The following ASB4 variants were observed in gnomAD, a reference collection of about 807,000 sequenced individuals.
ASB4 encodes the protein ankyrin repeat and SOCS box protein 4.
A neutral mutation model predicts 38.6 loss-of-function variants in ASB4; 35 were observed. That is an observed-to-expected ratio of 0.91 (90% CI 0.69 to 1.20). The LOEUF is 1.20. ASB4 is among the 50% of genes most tolerant of loss of function. ASB4 has a pLI of 0.00. For synonymous variants in ASB4, 195 were observed against 201.3 expected (o/e 0.97, Z 0.26); for missense variants, 557 against 527.2 (o/e 1.06, Z -0.55).
intron 2 of ASB4, among the ~76,000 whole-genome samples, chr7:95,511,079 GC>G (rs1452792160): frequency 6.6e-6 from 1 of 152,046 alleles, no homozygotes; most frequent in African/African-American, 2.4e-5. Flanking sequence ...TTTCCATTAA[GC>G]TAACCAAGAA....
At chr7:95,495,386 A>G (rs1694446992) in intron 1 of ASB4, among the ~76,000 whole-genome samples, 1 of 152,194 alleles carries the variant, frequency 6.6e-6, no homozygotes, top group African/African-American at 2.4e-5. Flanking sequence ...TTTTTAAAAA[A>G]ATATCCTTGA....
At chr7:95,505,139 T>C (rs918264549) in intron 2 of ASB4, among the ~76,000 whole-genome samples, 3 of 152,114 alleles carry the variant, frequency 2.0e-5, no homozygotes, top group Non-Finnish European at 4.4e-5. Flanking sequence ...AAATACATAA[T>C]GTACGATGAT....
At chr7:95,551,145 T>G in the ASB4 span, among the ~76,000 whole-genome samples, 18 of 152,084 alleles carry the variant, frequency 1.2e-4, no homozygotes, top group African/African-American at 4.3e-4. Context: ...CATGCCAGGC[T>G]CATTTTTGAA....
upstream of ASB4, among the ~76,000 whole-genome samples, chr7:95,473,514 A>G (rs1789944651): frequency 6.6e-6 from 1 of 152,152 alleles, no homozygotes; most frequent in East Asian, 1.9e-4. Context: ...TAGACCTCGT[A>G]CTGTTTGTCC....
chr7:95,496,087 G>A, intron 2 of ASB4, 30 bp downstream of exon 2: 1 of 1,591,016 alleles, frequency 6.3e-7, no homozygotes, highest in Admixed American at 1.7e-5. Context: ...CAACATTGTT[G>A]TCTGCTTGTA....
chr7:95,527,430 T>C lies in ASB4; in HGVS notation c.488-383T>C, dbSNP rs552706411. Among the ~76,000 whole-genome samples the C allele has an allele frequency of 2.6e-4, 40 of 152,372 alleles. No homozygotes were observed. The South Asian group carries it at 7.9e-3, about 30-fold the overall frequency. The stretch of plus-strand genomic sequence containing the variant: ...TTTTAAAGAGTCAAGTGTTGTGACA[T>C]AACATTTGTTTTTAATGATATTAGC... On this transcript the variant is annotated intron_variant, in intron 2 of 4. Transcript: ENST00000325885.
chr7:95,473,112 G>A, the ASB4 span, among the ~76,000 whole-genome samples: 1 of 152,122 alleles, frequency 6.6e-6, no homozygotes, highest in African/African-American at 2.4e-5. Context: ...TGATCCTAAT[G>A]AGCAGAAACT....
chr7:95,523,744 T>C (rs1298311840), intron 2 of ASB4, among the ~76,000 whole-genome samples: 1 of 152,130 alleles, frequency 6.6e-6, no homozygotes, highest in Non-Finnish European at 1.5e-5. Flanking sequence ...AATTTTAAGA[T>C]CAAAATTTTG....
rs1257892907 is a variant in ASB4, at chr7:95,485,989, C to T, written c.18C>T (p.Ala6=). The T allele has an allele frequency of 6.2e-7, 1 of 1,613,906 alleles. No individual in the cohort carries two copies. MDGTT[A]PVTKSGAAKL... is the part of the protein sequence containing the mutation. ...GAGGAAGGATGGACGGCACCACTGC[C>T]CCTGTCACTAAATCTGGAGCTGCCA... The change falls in exon 1 of 5, where the codon GCC becomes GCT. Residue 6 remains alanine, a synonymous_variant. Coordinates refer to ENST00000325885, the MANE Select transcript of ASB4 (RefSeq NM_016116.3).
At chr7:95,534,657 A>G (rs1790864099) in intron 3 of ASB4, among the ~76,000 whole-genome samples, 3 of 152,146 alleles carry the variant, frequency 2.0e-5, no homozygotes, top group African/African-American at 7.2e-5. Flanking sequence ...GATGGTGCTC[A>G]AGGATCACCT....
At chr7:95,505,143 C>T (rs929590653) in intron 2 of ASB4, among the ~76,000 whole-genome samples, 1 of 151,988 alleles carries the variant, frequency 6.6e-6, no homozygotes, top group East Asian at 1.9e-4. Context: ...ACATAATGTA[C>T]GATGATTGAA....
At chr7:95,524,576 C>A (rs1281060434) in intron 2 of ASB4, among the ~76,000 whole-genome samples, 1 of 152,150 alleles carries the variant, frequency 6.6e-6, no homozygotes, top group East Asian at 1.9e-4. Flanking sequence ...GCGCCACCCC[C>A]CAAAACACAC....
chr7:95,497,586 A>G (rs1790269853), intron 2 of ASB4, among the ~76,000 whole-genome samples: 1 of 152,218 alleles, frequency 6.6e-6, no homozygotes, highest in Admixed American at 6.5e-5. Context: ...ATTTTCACTC[A>G]GCAAAATTAA....
chr7:95,496,183 G>T, intron 2 of ASB4, 126 bp downstream of exon 2: 2 of 818,830 alleles, frequency 2.4e-6, no homozygotes, highest in East Asian at 2.5e-5. Flanking sequence ...AGTACAGAAG[G>T]CCCTAAAAAA....
chr7:95,515,694 C>T (rs894616022), intron 2 of ASB4, among the ~76,000 whole-genome samples: 4 of 152,154 alleles, frequency 2.6e-5, no homozygotes, highest in Non-Finnish European at 4.4e-5. Flanking sequence ...GGACTACAGG[C>T]GTGAGCCACT....
intron 2 of ASB4, among the ~76,000 whole-genome samples, chr7:95,509,237 G>A (rs935921947): frequency 6.6e-6 from 1 of 152,064 alleles, no homozygotes; most frequent in Non-Finnish European, 1.5e-5. Context: ...AAGAAGTAGG[G>A]GTGTTCTTTT....
chr7:95,523,396 TAAAG>T (rs1448793127), intron 2 of ASB4, among the ~76,000 whole-genome samples: 4 of 152,166 alleles, frequency 2.6e-5, no homozygotes, highest in African/African-American at 7.2e-5. Context: ...TTTCACCTAA[TAAAG>T]AGACAATGAA....
At chr7:95,522,099 A>G (rs1790671441) in intron 2 of ASB4, among the ~76,000 whole-genome samples, 1 of 152,142 alleles carries the variant, frequency 6.6e-6, no homozygotes, top group Admixed American at 6.6e-5. Context: ...TGATGTAATA[A>G]TAGATATTTA....
At chr7:95,528,364 A>C (rs769947845) in intron 3 of ASB4, 61 bp downstream of exon 3, 2 of 1,606,732 alleles carry the variant, frequency 1.2e-6, no homozygotes, top group Non-Finnish European at 1.7e-6. Context: ...CTTGTCTGAA[A>C]TCTCCAAGTA....
Sources: gnomAD v4.1 joint callset for allele counts (sites outside exome capture counted in the v4.1 genomes callset) on GRCh38, gnomAD v4.1.1 for gene constraint, MANE v1.5 for transcripts, NCBI Gene and HGNC (gene_info 2026-07-23, HGNC 2026-07-21) for gene names.